The following CCDC88A variants were observed in gnomAD, a reference collection of about 807,000 sequenced individuals.
CCDC88A encodes coiled-coil and HOOK domain protein 88A.
In CCDC88A, 54 loss-of-function variants were observed where a neutral mutation model predicts 234.3. That is an observed-to-expected ratio of 0.23 (90% CI 0.19 to 0.29). CCDC88A has a LOEUF of 0.29. Among genes scored for constraint, CCDC88A ranks in the 10% least tolerant of loss-of-function variants. The pLI, the probability that CCDC88A is intolerant of heterozygous loss-of-function variation, is 1.00. For missense variants in CCDC88A, 1,832 were observed against 2,123.4 expected, an observed-to-expected ratio of 0.86 and a Z score of 2.70; for synonymous variants, 753 against 737.8, an observed-to-expected ratio of 1.02 and a Z score of -0.33.
intron 4 of CCDC88A, 38 bp from the exon 5 acceptor site, chr2:55,372,548 A>G (rs1442300554): frequency 5.1e-6 from 5 of 982,032 alleles, no homozygotes; most frequent in Non-Finnish European, 6.3e-6. Context: ...ACATTCTGCT[A>G]TATTTTCAAC....
intron 8 of CCDC88A, among the ~76,000 whole-genome samples, chr2:55,353,187 A>G (rs1316005661): frequency 6.6e-6 from 1 of 152,200 alleles, no homozygotes; most frequent in Non-Finnish European, 1.5e-5. Context: ...AATATACTCT[A>G]TGTCCAAGTA....
In CCDC88A at chr2:55,388,179, T is replaced by C. The variant is rs904264735; in HGVS notation, c.273+599A>G. ...AACAAATATCAAAGAATCAGTATTA[T>C]ACAAACCACATTCTTTGACCAAAAA... On this transcript the variant is annotated intron_variant, in intron 3 of 32. Coordinates refer to ENST00000436346, the MANE Select transcript of CCDC88A (RefSeq NM_001365480.1). Among the ~76,000 whole-genome samples the C allele has an allele frequency of 2.6e-5, 4 of 152,300 alleles. No individual in the cohort carries two copies. In the East Asian group the frequency reaches 7.7e-4, roughly 29 times the overall value.
chr2:55,326,990 C>G (rs548040716), intron 17 of CCDC88A, among the ~76,000 whole-genome samples: 1 of 152,146 alleles, frequency 6.6e-6, no homozygotes, highest in South Asian at 2.1e-4. Flanking sequence ...AGTGATACTG[C>G]TAATGGGGTA....
intron 2 of CCDC88A, among the ~76,000 whole-genome samples, chr2:55,392,888 T>C (rs761135763): frequency 2.0e-5 from 3 of 152,202 alleles, no homozygotes; most frequent in Non-Finnish European, 4.4e-5. Context: ...TTCTGTGTCA[T>C]TAAAACCTTG....
At chr2:55,382,225 T>C (rs1020118437) in intron 3 of CCDC88A, among the ~76,000 whole-genome samples, 5 of 152,158 alleles carry the variant, frequency 3.3e-5, no homozygotes, top group African/African-American at 1.2e-4. Context: ...CTACAAAGTA[T>C]CTATTTTTTT....
At chr2:55,409,308 T>G (rs571549445) in intron 2 of CCDC88A, among the ~76,000 whole-genome samples, 4 of 152,306 alleles carry the variant, frequency 2.6e-5, no homozygotes, top group African/African-American at 9.6e-5. Flanking sequence ...CTCCCACTAC[T>G]TATGACTCCT....
Position 55,335,220 on chromosome 2 carries a change from TTA to T in CCDC88A, c.1657-58_1657-57del. On this transcript the variant is annotated intron_variant, in intron 14 of 32. Transcript: ENST00000436346. The surrounding 1 kb of genome is among the most constrained non-coding windows in gnomAD (Gnocchi z 4.5). Reference sequence around the variant, plus strand: ...TAATTGAGGAAAAACTAACTATGGTTTATCTCTTCCAAAAACTACCAAGAAAA... The same window carrying T: ...TAATTGAGGAAAAACTAACTATGGTTTCTCTTCCAAAAACTACCAAGAAAA... 1 of 1,139,744 alleles carries T rather than the reference TTA, an allele frequency of 8.8e-7. No individual in the cohort carries two copies. The highest frequency in any genetic ancestry group is 1.2e-6 in the Non-Finnish European group (1 of 829,600). 70.6% of individuals were successfully genotyped at this position (1,139,744 alleles called of 1,614,324 possible).
chr2:55,291,874 G>A, intron 31 of CCDC88A, 99 bp from the exon 32 acceptor site: 2 of 801,600 alleles, frequency 2.5e-6, no homozygotes, highest in South Asian at 1.8e-5. Context: ...GCAAGGAGAA[G>A]GAATCTGTAA....
At chr2:55,412,444 C>T (rs375011997) in intron 2 of CCDC88A, among the ~76,000 whole-genome samples, 14 of 152,268 alleles carry the variant, frequency 9.2e-5, no homozygotes, top group African/African-American at 2.6e-4. Context: ...CAGTGGTGGG[C>T]GGGCAAGCAT....
chr2:55,288,296 G>A lies in CCDC88A; in HGVS notation c.*2904C>T, dbSNP rs1679206938. ...TACATCAAGGTTTATATTATAAAAT[G>A]GGCTCCTTTTGTATTCATTCAAGAC... On this transcript the variant is annotated 3_prime_UTR_variant, in exon 33 of 33. Transcript: ENST00000436346. 1 of 152,518 alleles carries A rather than the reference G, an allele frequency of 6.6e-6. No individual in the cohort carries two copies. The highest frequency in any genetic ancestry group is 1.5e-5 in the Non-Finnish European group (1 of 68,030). The allele number at this position is 152,518 out of a possible 1,614,324, so 9.4% of individuals were successfully genotyped here.
intron 7 of CCDC88A, among the ~76,000 whole-genome samples, chr2:55,359,771 T>C (rs991637546): frequency 3.3e-5 from 5 of 151,926 alleles, no homozygotes; most frequent in African/African-American, 7.2e-5. Flanking sequence ...GTCAGTTTTT[T>C]GCTCCCAAGC....
At chr2:55,324,581 G>A (rs1684030825) in intron 17 of CCDC88A, among the ~76,000 whole-genome samples, 2 of 151,950 alleles carry the variant, frequency 1.3e-5, no homozygotes, top group Admixed American at 1.3e-4. Flanking sequence ...GAATGAAGTT[G>A]TTATAAAAAT....
chr2:55,355,499 T>C (rs2589104), intron 8 of CCDC88A, 80 bp downstream of exon 8: 129,398 of 1,228,024 alleles, frequency 0.11, 8,740 homozygotes, highest in East Asian at 0.31. Flanking sequence ...GCTAGCAATA[T>C]TTCCATAAGC....
intron 29 of CCDC88A, 65 bp downstream of exon 29, chr2:55,299,774 C>A (rs1176284787): frequency 6.6e-6 from 7 of 1,056,072 alleles, no homozygotes; most frequent in Non-Finnish European, 1.0e-5. Context: ...GAAACTTCAT[C>A]CCATCTCCCA....
In CCDC88A at chr2:55,414,881, C is replaced by A. The variant is rs375148318; in HGVS notation, c.164+3935G>T. Among the ~76,000 whole-genome samples the A allele has an allele frequency of 8.6e-5, 13 of 151,660 alleles. No individual in the cohort carries two copies. In the East Asian group the frequency reaches 2.5e-3, roughly 29 times the overall value. On this transcript the variant is annotated intron_variant, in intron 2 of 32. Coordinates refer to ENST00000436346, the MANE Select transcript of CCDC88A (RefSeq NM_001365480.1). ...GAGATCGAGACCATCCTGGCTAACA[C>A]GGTGAAACCCCGTCTCTACTAAAAA... is the stretch of plus-strand genomic sequence containing the variant.
At chr2:55,294,664 A>T in intron 31 of CCDC88A, 1 of 992,074 alleles carries the variant, frequency 1.0e-6, no homozygotes, top group Non-Finnish European at 1.2e-6. Context: ...GGAGGAAGGG[A>T]GGGAGGAAAT....
rs752086013 is a variant in CCDC88A, at chr2:55,388,761, TTAAAAAGAGC to T, written c.273+7_273+16del. The T allele has an allele frequency of 7.7e-5, 76 of 987,862 alleles. No individual in the cohort carries two copies. In the African/African-American group the frequency reaches 1.0e-3, roughly 13 times the overall value. The allele number at this position is 987,862 out of a possible 1,614,324, so 61.2% of individuals were successfully genotyped here. On this transcript the variant is annotated splice_region_variant and intron_variant, in intron 3 of 32. Transcript: ENST00000436346. ...AAGTAGTTATTAAAACCCCAGATTTTTAAAAAGAGCACTTACCTGGTAATAAAATTTTATC... is the reference window on the plus strand; with the variant it reads ...AAGTAGTTATTAAAACCCCAGATTTTACTTACCTGGTAATAAAATTTTATC...
intron 29 of CCDC88A, 24 bp downstream of exon 29, chr2:55,299,815 T>G (rs762487053): frequency 6.8e-7 from 1 of 1,476,000 alleles, no homozygotes; most frequent in Non-Finnish European, 9.5e-7. Context: ...ATAGAGCGCA[T>G]TAATAAATTT....
rs748079218 is a variant in CCDC88A, at chr2:55,334,056, A to G, written c.2727+38T>C. ...TAAAGAAACCTTGAGTTAAAAATATAAAAAAAAATTTGCCTTAATTTAGGT... is the reference window on the plus strand; with the variant it reads ...TAAAGAAACCTTGAGTTAAAAATATGAAAAAAAATTTGCCTTAATTTAGGT... On this transcript the variant is annotated intron_variant, in intron 15 of 32. Coordinates refer to ENST00000436346, the MANE Select transcript of CCDC88A (RefSeq NM_001365480.1). This position sits in a 1 kb window ranked among gnomAD's most constrained non-coding sequence, Gnocchi z 6.1. 6 of 724,250 alleles carry G rather than the reference A, an allele frequency of 8.3e-6. No homozygotes were observed. Among genetic ancestry groups the G allele is most frequent in the Non-Finnish European group, 1.2e-5 (6 of 496,378 alleles). 44.9% of individuals were successfully genotyped at this position (724,250 alleles called of 1,614,324 possible). A position where few individuals can be genotyped will look rare whatever the true frequency, so the allele number is the denominator to read the frequency against.
Sources: allele counts gnomAD v4.1 joint callset (sites outside exome capture counted in the v4.1 genomes callset), GRCh38; gene constraint gnomAD v4.1.1; non-coding constraint Gnocchi (gnomAD v3.1); transcripts MANE v1.5; gene names NCBI Gene and HGNC (gene_info 2026-07-23, HGNC 2026-07-21).